The following NELFCD variants were observed in gnomAD, a reference collection of about 807,000 sequenced individuals.
NELFCD encodes negative elongation factor complex member C/D, also known as negative elongation factor C/D.
A neutral mutation model predicts 72.9 loss-of-function variants in NELFCD; 48 were observed. That is an observed-to-expected ratio of 0.66 (90% CI 0.52 to 0.84). The LOEUF is 0.84. NELFCD is among the 40% of genes least tolerant of loss of function. The pLI, the probability that NELFCD is intolerant of heterozygous loss-of-function variation, is 0.00. For missense variants in NELFCD, 538 were observed against 723.8 expected (o/e 0.74, Z 2.94); for synonymous variants, 297 against 280.6 (o/e 1.06, Z -0.59).
chr20:58,992,804 G>C lies in NELFCD; in HGVS notation c.1230-194G>C, dbSNP rs1238063812. Reference sequence around the variant, plus strand: ...CGGGAGGCTGCAGTGAGCCATGATTGTGTCATTGTACTCCAGCCTGGAAGA... The same window carrying C: ...CGGGAGGCTGCAGTGAGCCATGATTCTGTCATTGTACTCCAGCCTGGAAGA... On this transcript the variant is annotated intron_variant, in intron 10 of 14. Coordinates refer to ENST00000652272, the MANE Select transcript of NELFCD (RefSeq NM_198976.4). 4.1e-5 allele frequency among the ~76,000 whole-genome samples: 6 copies of C among 145,744 alleles called. No individual in the cohort carries two copies. In the Admixed American group the frequency reaches 4.2e-4, roughly 10 times the overall value.
Position 58,993,484 on chromosome 20 carries a change from C to T in NELFCD, c.1380C>T (p.Val460=), listed in dbSNP as rs1229177195. The T allele has an allele frequency of 1.2e-6, 2 of 1,614,008 alleles. No individual in the cohort carries two copies. Among genetic ancestry groups the T allele is most frequent in the African/African-American group, 1.3e-5 (1 of 74,922 alleles). ...STCHQLLHPQ[V]LQLLVKLFET... The stretch of plus-strand genomic sequence containing the variant: ...GCCACCAGCTCCTGCACCCCCAGGT[C>T]CTGCAGCTGCTTGTTAAGCTTTTTG... Residue 460 remains valine, a synonymous_variant, in exon 12 of 15, where the codon GTC becomes GTT. Coordinates refer to ENST00000652272, the MANE Select transcript of NELFCD (RefSeq NM_198976.4). This position sits in a 1 kb window ranked among gnomAD's most constrained non-coding sequence, Gnocchi z 5.0.
intron 1 of NELFCD, among the ~76,000 whole-genome samples, chr20:58,982,111 TTGG>T (rs1191725883): frequency 6.8e-6 from 1 of 147,778 alleles, no homozygotes; most frequent in Non-Finnish European, 1.5e-5. Flanking sequence ...GGCCCAACAG[TTGG>T]TCTGGACGGG....
In NELFCD at chr20:58,991,952, G is replaced by A; in HGVS notation, c.1161G>A (p.Leu387=). The change falls in exon 10 of 15, where the codon TTG becomes TTA. Residue 387 remains leucine (L), a synonymous_variant. Transcript: ENST00000652272. The part of the protein sequence containing the change: ...TSKAVETVHN[L]CCNENKGASE... ...AAGCTGTCGAAACCGTTCACAATTT[G>A]TGTTGCAACGAGAACAAAGGGGCCT... 1 of 1,614,196 alleles carries A rather than the reference G, an allele frequency of 6.2e-7. No homozygotes were observed. The highest frequency in any genetic ancestry group is 1.1e-5 in the South Asian group (1 of 91,088).
At position 58,986,705 on chromosome 20, in the gene NELFCD, T is replaced by C. The variant is rs2091775173; in HGVS notation, c.177-49T>C. Reference sequence around the variant, plus strand: ...TTCCTCCTTCCTTACCTTCCTGTTGTCCATCATTCCATTCATTCGGGTGTA... The same window carrying C: ...TTCCTCCTTCCTTACCTTCCTGTTGCCCATCATTCCATTCATTCGGGTGTA... On this transcript the variant is annotated intron_variant, in intron 2 of 14. Transcript: ENST00000652272. The surrounding 1 kb of genome is among the most constrained non-coding windows in gnomAD (Gnocchi z 4.4). The C allele has an allele frequency of 2.5e-6, 3 of 1,222,866 alleles. No homozygotes were observed. The highest frequency in any genetic ancestry group is 3.8e-4 in the Middle Eastern group (2 of 5,302). 75.8% of individuals were successfully genotyped at this position (1,222,866 alleles called of 1,614,324 possible).
chr20:58,983,751 G>A (rs1299970289), intron 1 of NELFCD, among the ~76,000 whole-genome samples: 1 of 152,182 alleles, frequency 6.6e-6, no homozygotes, highest in Non-Finnish European at 1.5e-5. Context: ...GAGTCATAAA[G>A]TGTTAGAACT....
Position 58,993,577 on chromosome 20 carries a change from T to A in NELFCD, c.1440+33T>A, listed in dbSNP as rs2091833522. 6.2e-7 allele frequency: 1 copy of A among 1,614,196 alleles called. No individual in the cohort carries two copies. ...GTGCCCGTGGGGCTTGCCAGAGGGC[T>A]GAGGAGGACCCTCTCTAACCAGCTC... On this transcript the variant is annotated intron_variant, in intron 12 of 14. Transcript: ENST00000652272. This position sits in a 1 kb window ranked among gnomAD's most constrained non-coding sequence, Gnocchi z 5.0.
At chr20:58,985,712 T>TA (rs1181879953) in intron 1 of NELFCD, among the ~76,000 whole-genome samples, 1 of 152,234 alleles carries the variant, frequency 6.6e-6, no homozygotes, top group African/African-American at 2.4e-5. Context: ...ATTGCACTGT[T>TA]ACGAAATGTC....
chr20:58,981,472 G>A, intron 1 of NELFCD, 103 bp downstream of exon 1: 2 of 354,368 alleles, frequency 5.6e-6, no homozygotes, highest in Non-Finnish European at 8.0e-6. Flanking sequence ...GGCTGCGGGC[G>A]TGCGGGGGGT....
intron 4 of NELFCD, among the ~76,000 whole-genome samples, 163 bp from the exon 5 acceptor site, chr20:58,988,751 C>T (rs1289878570): frequency 6.6e-6 from 1 of 152,138 alleles, no homozygotes; most frequent in South Asian, 2.1e-4. Context: ...GTCACTCAGC[C>T]GACTGTGTGG....
rs775013145 is a variant in NELFCD at position 58,993,408 on chromosome 20, G to A, written c.1345-41G>A. 1.5e-5 allele frequency: 24 copies of A among 1,576,934 alleles called. No homozygotes were observed. The highest frequency in any genetic ancestry group is 4.0e-5 in the African/African-American group (3 of 74,372). On this transcript the variant is annotated intron_variant, in intron 11 of 14. Coordinates refer to ENST00000652272, the MANE Select transcript of NELFCD (RefSeq NM_198976.4). The surrounding 1 kb of genome is among the most constrained non-coding windows in gnomAD (Gnocchi z 5.0). ...CCCAGTTTCTCTGTGTGCTGAGCGT[G>A]ACCACACTGCTCAGCGAAGCTCCCT...
chr20:58,993,963 G>T lies in NELFCD; in HGVS notation c.1582-147G>T. The T allele has an allele frequency of 8.9e-7, 1 of 1,128,468 alleles. No homozygotes were observed. Among genetic ancestry groups the T allele is most frequent in the East Asian group, 2.4e-5 (1 of 42,288 alleles). 69.9% of individuals were successfully genotyped at this position (1,128,468 alleles called of 1,614,324 possible). Reference sequence around the variant, plus strand: ...CACACTTTACCTCCATTACCACCCTGGGCATCTGAATGTTGGAGATGGGTG... The same window carrying T: ...CACACTTTACCTCCATTACCACCCTTGGCATCTGAATGTTGGAGATGGGTG... On this transcript the variant is annotated intron_variant, in intron 13 of 14. Coordinates refer to ENST00000652272, the MANE Select transcript of NELFCD (RefSeq NM_198976.4). This position sits in a 1 kb window ranked among gnomAD's most constrained non-coding sequence, Gnocchi z 5.0.
chr20:58,983,946 G>A (rs1395629892), intron 1 of NELFCD, among the ~76,000 whole-genome samples: 1 of 152,130 alleles, frequency 6.6e-6, no homozygotes, highest in Non-Finnish European at 1.5e-5. Flanking sequence ...CATGGATGAG[G>A]GGGGTGGACC....
chr20:58,985,295 T>A (rs567967968), intron 1 of NELFCD, among the ~76,000 whole-genome samples: 2 of 152,268 alleles, frequency 1.3e-5, no homozygotes, highest in African/African-American at 4.8e-5. Context: ...GTCTCTCCTA[T>A]TAGTTTGTGA....
chr20:58,983,447 T>C (rs899151327), intron 1 of NELFCD, among the ~76,000 whole-genome samples: 1 of 150,482 alleles, frequency 6.6e-6, no homozygotes, highest in African/African-American at 2.4e-5. Flanking sequence ...TTTTTTTTTT[T>C]TTTTTTCTTT....
intron 1 of NELFCD, among the ~76,000 whole-genome samples, chr20:58,984,701 G>A (rs1381278076): frequency 6.6e-6 from 1 of 152,226 alleles, no homozygotes. Flanking sequence ...CTGGAAATGA[G>A]AATGGAATGT....
In NELFCD at chr20:58,994,103, C is replaced by T. The variant is rs752387865; in HGVS notation, c.1582-7C>T. 3.1e-6 allele frequency: 5 copies of T among 1,613,902 alleles called. No homozygotes were observed. The highest frequency in any genetic ancestry group is 2.2e-5 in the East Asian group (1 of 44,882). Reference sequence around the variant, plus strand: ...CGGAAGAAGTCACCCTGTGCTCCCCCACGCAGGTGCTGGACGTCATTGCTC... The same window carrying T: ...CGGAAGAAGTCACCCTGTGCTCCCCTACGCAGGTGCTGGACGTCATTGCTC... On this transcript the variant is annotated splice_region_variant and splice_polypyrimidine_tract_variant and intron_variant, in intron 13 of 14. Transcript: ENST00000652272.
At position 58,991,929 on chromosome 20, in the gene NELFCD, G is replaced by T; in HGVS notation, c.1138G>T (p.Ala380Ser). Reference protein sequence around the residue: ...NKDELKSTSKAVETVHNLCCN... With the variant: ...NKDELKSTSKSVETVHNLCCN... ...AGATGAGCTGAAGTCAACGTCAAAA[G>T]CTGTCGAAACCGTTCACAATTTGTG... Residue 380 changes from alanine (A) to serine (S), a missense_variant, in exon 10 of 15, where the codon GCT (alanine) becomes TCT (serine). Physicochemically the swap from Ala to Ser is moderately conservative, Grantham distance 99. Around this residue, in one of 3 missense-constraint regions of NELFCD, gnomAD observed 355 missense variants for 534.5 expected, o/e 0.66. Coordinates refer to ENST00000652272, the MANE Select transcript of NELFCD (RefSeq NM_198976.4). The T allele has an allele frequency of 6.2e-7, 1 of 1,614,236 alleles. No individual in the cohort carries two copies. The highest frequency in any genetic ancestry group is 8.5e-7 in the Non-Finnish European group (1 of 1,180,040).
rs757924066 is a variant in NELFCD at position 58,988,898 on chromosome 20, G to T, written c.397-16G>T. 6.3e-7 allele frequency: 1 copy of T among 1,579,600 alleles called. No homozygotes were observed. On this transcript the variant is annotated splice_polypyrimidine_tract_variant and intron_variant, in intron 4 of 14. Coordinates refer to ENST00000652272, the MANE Select transcript of NELFCD (RefSeq NM_198976.4). ...GGGGCCTCCTCCTATCTTGCTGTTT[G>T]TGTGTGTGTTGGCAGACCCCAGCGT...
At chr20:58,981,925 G>A in intron 1 of NELFCD, among the ~76,000 whole-genome samples, 1 of 152,006 alleles carries the variant, frequency 6.6e-6, no homozygotes, top group East Asian at 1.9e-4. Context: ...TTCGGGCCTT[G>A]ACCTTCCAGG....
Sources: allele counts gnomAD v4.1 joint callset (sites outside exome capture counted in the v4.1 genomes callset), GRCh38; gene constraint gnomAD v4.1.1; regional missense constraint gnomAD v4.1.1; non-coding constraint Gnocchi (gnomAD v3.1); transcripts MANE v1.5; gene names NCBI Gene and HGNC (gene_info 2026-07-23, HGNC 2026-07-21).